The following MKLN1 variants were observed in gnomAD, a reference collection of about 807,000 sequenced individuals.
MKLN1 encodes muskelin.
Under a neutral mutation model 99.0 loss-of-function variants are expected in MKLN1, and 18 were observed. That is an observed-to-expected ratio of 0.18 (90% CI 0.13 to 0.27). The LOEUF (loss-of-function observed/expected upper bound fraction) is 0.27. MKLN1 is among the 10% of genes least tolerant of loss of function. MKLN1 has a pLI of 1.00. For synonymous variants in MKLN1, 288 were observed against 293.2 expected (o/e 0.98, Z 0.18); for missense variants, 621 against 875.9 (o/e 0.71, Z 3.67).
At chr7:131,227,859 C>T (rs1797180860) in intron 3 of MKLN1, among the ~76,000 whole-genome samples, 1 of 151,548 alleles carries the variant, frequency 6.6e-6, no homozygotes, top group African/African-American at 2.4e-5. Context: ...AGCCACCGCG[C>T]CCGGCCTTCA....
intron 2 of MKLN1, among the ~76,000 whole-genome samples, chr7:131,190,434 A>G (rs1796517752): frequency 6.6e-6 from 1 of 151,286 alleles, no homozygotes; most frequent in African/African-American, 2.4e-5. Context: ...GCAATTGGAA[A>G]TTTCCATTCT....
At chr7:131,143,873 A>G (rs12539648) in intron 2 of MKLN1, among the ~76,000 whole-genome samples, 71,692 of 152,002 alleles carry the variant, frequency 0.47, 18,188 homozygotes, top group Non-Finnish European at 0.58. Flanking sequence ...AGAATCAGAA[A>G]GACTTGCTGC....
At chr7:131,322,791 C>T (rs1300126349) in intron 3 of MKLN1, among the ~76,000 whole-genome samples, 6 of 151,422 alleles carry the variant, frequency 4.0e-5, no homozygotes, top group Non-Finnish European at 8.8e-5. Flanking sequence ...AGGATGGTCT[C>T]GATCTCCTGA....
intron 1 of MKLN1, among the ~76,000 whole-genome samples, chr7:131,352,562 A>G (rs1799750883): frequency 6.6e-6 from 1 of 152,072 alleles, no homozygotes; most frequent in Non-Finnish European, 1.5e-5. Flanking sequence ...TAACATTAAT[A>G]TAATTGCTTT....
At chr7:131,283,346 C>CCTTCCTTCCTTCCTTCCTTCCTTCCT (rs1563278415) in intron 3 of MKLN1, among the ~76,000 whole-genome samples, 1 of 51,418 alleles carries the variant, frequency 1.9e-5, no homozygotes, top group Non-Finnish European at 3.5e-5. Flanking sequence ...TTCCCTTCCC[C>CCTTCCTTCCTTCCTTCCTTCCTTCCT]TCCTTCCTTC....
chr7:131,451,919 T>C (rs1444821158), intron 12 of MKLN1, among the ~76,000 whole-genome samples: 1 of 152,256 alleles, frequency 6.6e-6, no homozygotes, highest in Non-Finnish European at 1.5e-5. Context: ...TGCTTTCTCC[T>C]GTTCGTATTC....
chr7:131,215,894 G>A (rs975249751), intron 3 of MKLN1, among the ~76,000 whole-genome samples: 1 of 151,894 alleles, frequency 6.6e-6, no homozygotes, highest in African/African-American at 2.4e-5. Context: ...CAGTTTGTTT[G>A]GGGGGGATAG....
chr7:131,380,821 C>T, intron 2 of MKLN1, among the ~76,000 whole-genome samples: 1 of 152,146 alleles, frequency 6.6e-6, no homozygotes, highest in Non-Finnish European at 1.5e-5. Context: ...GTAGTAGCTA[C>T]TTTGCTGCCC....
chr7:131,454,653 C>A (rs1796282942), intron 12 of MKLN1, among the ~76,000 whole-genome samples: 1 of 152,210 alleles, frequency 6.6e-6, no homozygotes, highest in African/African-American at 2.4e-5. Flanking sequence ...CATGATTAGT[C>A]TAAACCAGTC....
At chr7:131,444,247 A>G (rs530597596) in intron 11 of MKLN1, among the ~76,000 whole-genome samples, 1 of 151,876 alleles carries the variant, frequency 6.6e-6, no homozygotes, top group South Asian at 2.1e-4. Context: ...CCTCCCAAGT[A>G]GCTGGGATTA....
chr7:131,322,403 AATT>A (rs1341779025), intron 3 of MKLN1, among the ~76,000 whole-genome samples: 1 of 152,176 alleles, frequency 6.6e-6, no homozygotes, highest in East Asian at 1.9e-4. Flanking sequence ...GAGACCGGAT[AATT>A]TATAAATAAA....
intron 2 of MKLN1, among the ~76,000 whole-genome samples, chr7:131,156,595 A>G (rs1795970996): frequency 6.6e-6 from 1 of 152,110 alleles, no homozygotes; most frequent in Admixed American, 6.6e-5. Context: ...CGCAAAGCCC[A>G]TTTTATAATA....
chr7:131,182,747 C>G (rs570644142), intron 2 of MKLN1, among the ~76,000 whole-genome samples: 1 of 152,242 alleles, frequency 6.6e-6, no homozygotes, highest in South Asian at 2.1e-4. Context: ...TTCTTTTTCT[C>G]TGGCCTGGGC....
intron 2 of MKLN1, among the ~76,000 whole-genome samples, chr7:131,382,927 G>A (rs1266399471): frequency 6.6e-6 from 1 of 152,024 alleles, no homozygotes; most frequent in African/African-American, 2.4e-5. Flanking sequence ...GTTTCACCGT[G>A]TTAGCTAGGA....
Position 131,443,564 on chromosome 7 carries a change from A to G in MKLN1, c.1257A>G (p.Arg419=), listed in dbSNP as rs778115438. 25 of 1,614,050 alleles carry G rather than the reference A, an allele frequency of 1.5e-5. No homozygotes were observed. The highest frequency in any genetic ancestry group is 2.1e-5 in the Non-Finnish European group (25 of 1,180,000). Residue 419 remains arginine (R), a synonymous_variant, in exon 11 of 18, where the codon AGA becomes AGG. Transcript: ENST00000352689. ...LTCNGSVDDS[R]ASEPQFSGLF... is the part of the protein sequence containing the mutation. ...GTAATGGCAGCGTAGATGACAGCAGAGCCAGTGAACCACAATTCAGTGGCT... is the reference window on the plus strand; with the variant it reads ...GTAATGGCAGCGTAGATGACAGCAGGGCCAGTGAACCACAATTCAGTGGCT...
chr7:131,173,975 T>TTC (rs1796255530), intron 2 of MKLN1, among the ~76,000 whole-genome samples: 1 of 99,110 alleles, frequency 1.0e-5, no homozygotes, highest in Admixed American at 1.1e-4. Context: ...TTTCTTTTTC[T>TTC]TTTTTTTTTT....
chr7:131,341,963 C>A (rs932844430), intron 1 of MKLN1, among the ~76,000 whole-genome samples: 5 of 152,170 alleles, frequency 3.3e-5, no homozygotes, highest in African/African-American at 7.2e-5. Flanking sequence ...GGTTTGGGAT[C>A]CCTGCATTAG....
intron 17 of MKLN1, among the ~76,000 whole-genome samples, chr7:131,486,468 T>C (rs1378530306): frequency 6.6e-6 from 1 of 152,148 alleles, no homozygotes; most frequent in East Asian, 1.9e-4. Flanking sequence ...TCTTGAGGTA[T>C]TGTTTATTTT....
chr7:131,429,090 C>T lies in MKLN1; in HGVS notation c.905C>T (p.Ala302Val), dbSNP rs1427901956. Residue 302 changes from alanine to valine, a missense_variant, in exon 9 of 18, where the codon GCG (alanine) becomes GTG (valine). Ala to Val is a moderately conservative substitution (Grantham distance 64, BLOSUM62 0). This residue lies in a region of MKLN1 where 361 missense variants were observed against 540.8 expected (regional missense o/e 0.67). Transcript: ENST00000352689. ...DGTQDLADFWAYSVKENQWTC... is the reference protein window; with the variant it reads ...DGTQDLADFWVYSVKENQWTC... The stretch of plus-strand genomic sequence containing the variant: ...ACACAAGATCTTGCTGACTTCTGGG[C>T]GTACAGTGTGAAGGAGAACCAGTGG... The T allele has an allele frequency of 3.0e-5, 49 of 1,613,438 alleles. No individual in the cohort carries two copies. The highest frequency in any genetic ancestry group is 4.0e-5 in the Non-Finnish European group (47 of 1,179,836).
Sources: gnomAD v4.1 joint callset for allele counts (sites outside exome capture counted in the v4.1 genomes callset) on GRCh38, gnomAD v4.1.1 for gene constraint, gnomAD v4.1.1 regional missense constraint, MANE v1.5 for transcripts, NCBI Gene and HGNC (gene_info 2026-07-23, HGNC 2026-07-21) for gene names.